The following DOCK1 variants were observed in gnomAD, a reference collection of about 807,000 sequenced individuals.
DOCK1 encodes dedicator of cytokinesis protein 1.
In DOCK1, 138 loss-of-function variants were observed where a neutral mutation model predicts 262.7. That is an observed-to-expected ratio of 0.53 (90% CI 0.46 to 0.61). The LOEUF is 0.61. Ranked by LOEUF, DOCK1 falls within the 20% of genes least tolerant of loss-of-function variation. The pLI is 0.00. For synonymous variants in DOCK1, 866 were observed against 867.4 expected (o/e 1.00, Z 0.03); for missense variants, 1,908 against 2,370.7 (o/e 0.80, Z 4.05).
At chr10:126,973,232 G>A (rs1039048025) in intron 2 of DOCK1, among the ~76,000 whole-genome samples, 3 of 108,146 alleles carry the variant, frequency 2.8e-5, no homozygotes, top group African/African-American at 1.2e-4. Flanking sequence ...GTGTGGTGGT[G>A]GTTTTTTTTT....
chr10:126,932,720 G>T (rs1223942006), intron 1 of DOCK1, among the ~76,000 whole-genome samples: 1 of 152,108 alleles, frequency 6.6e-6, no homozygotes, highest in Non-Finnish European at 1.5e-5. Context: ...GGCCCTCACT[G>T]GTAGAGGTGG....
At chr10:126,949,634 A>G (rs1036390902) in intron 1 of DOCK1, among the ~76,000 whole-genome samples, 13 of 152,120 alleles carry the variant, frequency 8.5e-5, no homozygotes, top group Non-Finnish European at 1.0e-4. Context: ...TGCTATAACT[A>G]TAAATTCATG....
chr10:127,452,424 C>G lies in DOCK1; in HGVS notation c.*997C>G, dbSNP rs2071023322. On this transcript the variant is annotated 3_prime_UTR_variant, in exon 52 of 52. Coordinates refer to ENST00000623213, the MANE Select transcript of DOCK1 (RefSeq NM_001290223.2). The stretch of plus-strand genomic sequence containing the variant: ...TAACCTAATATTTGTATTCTCTCAT[C>G]TATATTTTTTTATTCACTATAATCA... 6.6e-6 allele frequency: 1 copy of G among 152,452 alleles called. No individual in the cohort carries two copies. Among genetic ancestry groups the G allele is most frequent in the Non-Finnish European group, 1.5e-5 (1 of 68,002 alleles). The allele number at this position is 152,452 out of a possible 1,614,324, so 9.4% of individuals were successfully genotyped here. A position where few individuals can be genotyped will look rare whatever the true frequency, so the allele number is the denominator to read the frequency against.
At chr10:126,921,483 T>C (rs1033395401) in intron 1 of DOCK1, among the ~76,000 whole-genome samples, 1 of 152,144 alleles carries the variant, frequency 6.6e-6, no homozygotes, top group Non-Finnish European at 1.5e-5. Flanking sequence ...TGATTCTGTT[T>C]ATATGAAATG....
intron 23 of DOCK1, among the ~76,000 whole-genome samples, chr10:127,099,077 G>A (rs1384030834): frequency 6.6e-6 from 1 of 152,202 alleles, no homozygotes; most frequent in African/African-American, 2.4e-5. Flanking sequence ...AGTTCCCTTT[G>A]CATCTTGTCC....
intron 13 of DOCK1, among the ~76,000 whole-genome samples, chr10:127,019,522 G>A (rs1396792009): frequency 7.5e-6 from 1 of 133,528 alleles, no homozygotes; most frequent in African/African-American, 2.9e-5. Flanking sequence ...TTCGAGGCGG[G>A]GGGATCACTT....
intron 28 of DOCK1, among the ~76,000 whole-genome samples, chr10:127,251,881 C>T (rs916243983): frequency 4.0e-5 from 6 of 150,580 alleles, no homozygotes; most frequent in East Asian, 2.0e-4. Flanking sequence ...ATTTATAGTC[C>T]TTTGGGTATA....
chr10:127,162,180 A>G (rs552967337), intron 27 of DOCK1, among the ~76,000 whole-genome samples: 1 of 152,108 alleles, frequency 6.6e-6, no homozygotes, highest in Non-Finnish European at 1.5e-5. Flanking sequence ...AGTATTCTCC[A>G]TTTGTCTAGA....
At chr10:127,373,698 C>T (rs1040438357) in intron 33 of DOCK1, 83 bp from the exon 34 acceptor site, 252 of 1,290,544 alleles carry the variant, frequency 2.0e-4, no homozygotes, top group South Asian at 5.7e-4. Flanking sequence ...TCTCTCTTGC[C>T]GATTTATGTT....
At chr10:127,083,526 A>G (rs982381401) in intron 23 of DOCK1, among the ~76,000 whole-genome samples, 3 of 152,250 alleles carry the variant, frequency 2.0e-5, no homozygotes, top group Non-Finnish European at 4.4e-5. Flanking sequence ...TGAACTTCAT[A>G]GTGAGGAAGT....
intron 36 of DOCK1, among the ~76,000 whole-genome samples, chr10:127,380,425 C>T (rs2134096400): frequency 6.6e-6 from 1 of 152,096 alleles, no homozygotes; most frequent in East Asian, 1.9e-4. Flanking sequence ...AAAAGATAAG[C>T]ACATAAATTT....
intron 25 of DOCK1, among the ~76,000 whole-genome samples, chr10:127,117,932 A>G (rs1328595605): frequency 6.6e-6 from 1 of 151,826 alleles, no homozygotes; most frequent in East Asian, 1.9e-4. Context: ...CTGCTTTAGG[A>G]CCTCTGTCTT....
At chr10:126,908,263 G>A (rs146123985) in intron 1 of DOCK1, among the ~76,000 whole-genome samples, 30 of 152,338 alleles carry the variant, frequency 2.0e-4, no homozygotes, top group African/African-American at 6.3e-4. Context: ...GTGCTGGGAT[G>A]TAGGGATTTA....
chr10:127,155,594 G>T (rs1191385762), intron 27 of DOCK1, among the ~76,000 whole-genome samples: 1 of 152,030 alleles, frequency 6.6e-6, no homozygotes, highest in Non-Finnish European at 1.5e-5. Context: ...TTCCTCACCA[G>T]ACACGGTGAT....
In DOCK1 at chr10:126,996,730, A is replaced by T. The variant is rs538104145; in HGVS notation, c.474-18A>T. 83 of 1,600,050 alleles carry T rather than the reference A, an allele frequency of 5.2e-5. No homozygotes were observed. In the South Asian group the frequency reaches 9.0e-4, roughly 17 times the overall value. On this transcript the variant is annotated intron_variant, in intron 6 of 51. Coordinates refer to ENST00000623213, the MANE Select transcript of DOCK1 (RefSeq NM_001290223.2). The stretch of plus-strand genomic sequence containing the variant: ...CTTGGTCTATGTCTGTGAACTTACT[A>T]AATTCTTGTTGTTCTAGAATTCTAG...
chr10:126,993,230 G>A (rs1427738345), intron 6 of DOCK1, among the ~76,000 whole-genome samples: 4 of 152,234 alleles, frequency 2.6e-5, no homozygotes, highest in Admixed American at 2.0e-4. Flanking sequence ...TTCCCTGAGG[G>A]AACCCAATTC....
Position 127,373,871 on chromosome 10 carries a change from G to A in DOCK1, c.3518+5G>A, listed in dbSNP as rs1250238883. 2 of 1,599,788 alleles carry A rather than the reference G, an allele frequency of 1.3e-6. No homozygotes were observed. Among genetic ancestry groups the A allele is most frequent in the Non-Finnish European group, 8.5e-7 (1 of 1,172,372 alleles). On this transcript the variant is annotated splice_donor_5th_base_variant and intron_variant, in intron 34 of 51. Coordinates refer to ENST00000623213, the MANE Select transcript of DOCK1 (RefSeq NM_001290223.2). ...CAAAGTGTTATTTGATAAAATGTAA[G>A]TGTTGATTAGCAGTGGGATTTATGT...
intron 2 of DOCK1, among the ~76,000 whole-genome samples, chr10:126,976,655 C>G (rs913836457): frequency 6.0e-4 from 91 of 152,026 alleles, no homozygotes; most frequent in Admixed American, 5.9e-3. Flanking sequence ...GGGAATTTAC[C>G]CAGCTCACGT....
chr10:126,977,215 C>T (rs925391197), intron 2 of DOCK1, among the ~76,000 whole-genome samples: 1 of 152,140 alleles, frequency 6.6e-6, no homozygotes, highest in African/African-American at 2.4e-5. Context: ...AGAGGGGTGC[C>T]AGGGGTGTGG....
Sources: allele counts gnomAD v4.1 joint callset (sites outside exome capture counted in the v4.1 genomes callset), GRCh38; gene constraint gnomAD v4.1.1; transcripts MANE v1.5; gene names NCBI Gene and HGNC (gene_info 2026-07-23, HGNC 2026-07-21).